The following CDK15 variants were observed in gnomAD, a reference collection of about 807,000 sequenced individuals.
CDK15 encodes cyclin dependent kinase 15, also known as cyclin-dependent kinase 15.
Under a neutral mutation model 60.3 loss-of-function variants are expected in CDK15, and 62 were observed. That is an observed-to-expected ratio of 1.03 (90% CI 0.84 to 1.27). CDK15 has a LOEUF of 1.27. Among genes scored for constraint, CDK15 ranks in the 50% most tolerant of loss-of-function variants. The probability of loss-of-function intolerance (pLI) is 0.00; values close to 1 mark genes in which losing one functional copy is unlikely to be tolerated. For synonymous variants in CDK15, 194 were observed against 195.7 expected, an observed-to-expected ratio of 0.99 and a Z score of 0.07; for missense variants, 541 against 527.8, an observed-to-expected ratio of 1.03 and a Z score of -0.25.
rs772617356 is a variant in CDK15 at position 201,835,648 on chromosome 2, G to T, written c.736G>T (p.Ala246Ser). The T allele has an allele frequency of 6.2e-7, 1 of 1,605,048 alleles. No homozygotes were observed. Among genetic ancestry groups the T allele is most frequent in the East Asian group, 2.2e-5 (1 of 44,776 alleles). ...GELKLADFGL[A>S]RAKSIPSQTY... ...TGCTTTTCCCTTTTGGACAGGTCTT[G>T]CCCGGGCCAAGTCCATTCCCAGCCA... The change falls in exon 8 of 14, where the codon GCC (alanine) becomes TCC (serine). Residue 246 changes from alanine to serine, a missense_variant. Coordinates refer to ENST00000652192, the MANE Select transcript of CDK15 (RefSeq NM_001366386.2).
intron 12 of CDK15, chr2:201,888,791 C>T: frequency 8.6e-7 from 1 of 1,157,236 alleles, no homozygotes; most frequent in South Asian, 2.9e-5. Flanking sequence ...AGGGAAATCC[C>T]AGCTTTTCAT....
At chr2:201,810,813 T>C (rs577001907) in intron 3 of CDK15, among the ~76,000 whole-genome samples, 2 of 149,298 alleles carry the variant, frequency 1.3e-5, no homozygotes, top group Admixed American at 6.7e-5. Context: ...TCAAAAGTCA[T>C]AAATCATGAT....
chr2:201,824,248 T>C (rs959215576), intron 6 of CDK15, among the ~76,000 whole-genome samples: 1 of 152,240 alleles, frequency 6.6e-6, no homozygotes, highest in African/African-American at 2.4e-5. Context: ...ACCATTTATA[T>C]TTCATACTTT....
intron 12 of CDK15, chr2:201,888,379 G>T (rs1298470420): frequency 6.6e-7 from 1 of 1,503,886 alleles, no homozygotes; most frequent in Non-Finnish European, 8.8e-7. Context: ...AAATAAACTT[G>T]TCCTGCCGAC....
intron 4 of CDK15, among the ~76,000 whole-genome samples, chr2:201,815,304 C>A (rs1695943646): frequency 6.6e-6 from 1 of 152,090 alleles, no homozygotes; most frequent in South Asian, 2.1e-4. Flanking sequence ...TAATATTATT[C>A]CACTATATGG....
At chr2:201,816,492 T>C (rs534643342) in intron 4 of CDK15, among the ~76,000 whole-genome samples, 52 of 140,402 alleles carry the variant, frequency 3.7e-4, no homozygotes, top group Non-Finnish European at 5.5e-4. Flanking sequence ...GGCTGCATAG[T>C]GTTTTATGGT....
At chr2:201,829,893 C>T (rs868418598) in intron 6 of CDK15, among the ~76,000 whole-genome samples, 174 of 152,108 alleles carry the variant, frequency 1.1e-3, no homozygotes, top group African/African-American at 3.9e-3. Context: ...CTGCAACCTC[C>T]GCTTCCTGGG....
intron 8 of CDK15, 55 bp downstream of exon 8, chr2:201,835,818 C>G (rs201209541): frequency 4.4e-5 from 59 of 1,343,368 alleles, no homozygotes; most frequent in Middle Eastern, 2.3e-4. Flanking sequence ...GTTGCTTTAT[C>G]ATCTACATTA....
At chr2:201,892,129 G>A (rs982772554) in intron 13 of CDK15, among the ~76,000 whole-genome samples, 5 of 152,164 alleles carry the variant, frequency 3.3e-5, no homozygotes, top group African/African-American at 1.2e-4. Flanking sequence ...GATCCTCAGA[G>A]CATTTTATGA....
chr2:201,885,250 C>T (rs558195372), intron 12 of CDK15, among the ~76,000 whole-genome samples: 3 of 152,266 alleles, frequency 2.0e-5, no homozygotes, highest in East Asian at 1.9e-4. Flanking sequence ...AATGCTTCCA[C>T]GTAATTTCAA....
In CDK15 at chr2:201,839,488, G is replaced by A. The variant is rs148718772; in HGVS notation, c.851+3725G>A. On this transcript the variant is annotated intron_variant, in intron 8 of 13. Coordinates refer to ENST00000652192, the MANE Select transcript of CDK15 (RefSeq NM_001366386.2). ...TGTAGGGACTATAGGTGAAATTTCA[G>A]TAGGGACTGTGGATTAGATAGGGGT... Among the ~76,000 whole-genome samples, 404 of 152,300 alleles carry A rather than the reference G, an allele frequency of 2.7e-3. 4 individuals are homozygous for A. The highest frequency in any genetic ancestry group is 9.4e-3 in the African/African-American group (390 of 41,572).
chr2:201,891,280 G>A (rs554155527), intron 13 of CDK15, among the ~76,000 whole-genome samples: 1 of 152,328 alleles, frequency 6.6e-6, no homozygotes, highest in East Asian at 1.9e-4. Flanking sequence ...TGGTGCGTCA[G>A]CCTCCCAAGT....
intron 8 of CDK15, 139 bp from the exon 9 acceptor site, chr2:201,847,242 T>G (rs1235826770): frequency 1.5e-5 from 11 of 754,498 alleles, no homozygotes; most frequent in Non-Finnish European, 4.1e-6. Context: ...GACTTTTTTT[T>G]TGGCCCAAGA....
chr2:201,861,766 G>A (rs1047119376), intron 10 of CDK15, among the ~76,000 whole-genome samples: 3 of 151,842 alleles, frequency 2.0e-5, no homozygotes, highest in Non-Finnish European at 4.4e-5. Context: ...TCACCATGTT[G>A]GCTAGGCTGG....
At chr2:201,864,899 G>A (rs1035316319) in intron 10 of CDK15, among the ~76,000 whole-genome samples, 2 of 152,160 alleles carry the variant, frequency 1.3e-5, no homozygotes, top group Admixed American at 6.5e-5. Context: ...TGCTTAAATC[G>A]GTATTTAAAG....
intron 10 of CDK15, among the ~76,000 whole-genome samples, chr2:201,855,490 T>G (rs1698106656): frequency 6.6e-6 from 1 of 152,148 alleles, no homozygotes. Context: ...GATTTAGAAG[T>G]GCTGGAAGTG....
chr2:201,876,027 C>T (rs182602830), intron 11 of CDK15, among the ~76,000 whole-genome samples: 1 of 152,284 alleles, frequency 6.6e-6, no homozygotes, highest in East Asian at 1.9e-4. Context: ...GCAAGATACT[C>T]CTGTCATGTT....
At chr2:201,867,868 G>A (rs895121696) in intron 10 of CDK15, among the ~76,000 whole-genome samples, 3 of 152,188 alleles carry the variant, frequency 2.0e-5, no homozygotes, top group African/African-American at 7.2e-5. Context: ...TTAATCTTTT[G>A]TAATTCTCCC....
Position 201,807,886 on chromosome 2 carries a change from C to T in CDK15, c.302C>T (p.Ser101Leu). The T allele has an allele frequency of 1.2e-6, 2 of 1,614,148 alleles. No homozygotes were observed. The highest frequency in any genetic ancestry group is 1.7e-6 in the Non-Finnish European group (2 of 1,180,018). The change falls in exon 3 of 14, where the codon TCA (serine) becomes TTA (leucine). Residue 101 changes from serine (S) to leucine (L), a missense_variant. Coordinates refer to ENST00000652192, the MANE Select transcript of CDK15 (RefSeq NM_001366386.2). ...WRKSLPFGAA[S>L]SYLNLEKLGE... ...AAGAGCCTCCCTTTTGGGGCAGCCT[C>T]ATCTTACTTGAACTTGGAGAAGCTG... is the stretch of plus-strand genomic sequence containing the variant.
Sources: gnomAD v4.1 joint callset for allele counts (sites outside exome capture counted in the v4.1 genomes callset) on GRCh38, gnomAD v4.1.1 for gene constraint, MANE v1.5 for transcripts, NCBI Gene and HGNC (gene_info 2026-07-23, HGNC 2026-07-21) for gene names.